The following SENP5 variants were observed in gnomAD, a reference collection of about 807,000 sequenced individuals.
SENP5 encodes the protein sentrin-specific protease 5.
Under a neutral mutation model 74.2 loss-of-function variants are expected in SENP5, and 21 were observed. The observed-to-expected ratio is 0.28, with a 90% confidence interval of 0.20 to 0.41. The LOEUF is 0.41. Ranked by LOEUF, SENP5 falls within the 10% of genes least tolerant of loss-of-function variation. SENP5 has a pLI of 1.00. For synonymous variants in SENP5, 311 were observed against 312.7 expected (o/e 0.99, Z 0.06); for missense variants, 717 against 889.1 (o/e 0.81, Z 2.46).
intron 6 of SENP5, among the ~76,000 whole-genome samples, chr3:196,916,844 T>C (rs779506235): frequency 1.6e-4 from 24 of 146,590 alleles, no homozygotes; most frequent in Non-Finnish European, 2.6e-4. Context: ...TTTAAAAAAA[T>C]AAGCAGAGGC....
intron 6 of SENP5, among the ~76,000 whole-genome samples, chr3:196,908,488 T>A (rs1714995891): frequency 6.6e-6 from 1 of 152,124 alleles, no homozygotes; most frequent in African/African-American, 2.4e-5. Context: ...ATCGAAAAGC[T>A]GGAAAGATCT....
chr3:196,882,653 A>G (rs796709173), intron 1 of SENP5, among the ~76,000 whole-genome samples: 52 of 152,098 alleles, frequency 3.4e-4, no homozygotes, highest in African/African-American at 1.1e-3. Flanking sequence ...ACAGGCATGC[A>G]CCACCATGCC....
chr3:196,909,863 C>T (rs1349458821), intron 6 of SENP5, among the ~76,000 whole-genome samples: 1 of 152,156 alleles, frequency 6.6e-6, no homozygotes, highest in African/African-American at 2.4e-5. Context: ...TGCCCTCTCC[C>T]ATCACTTCTA....
intron 2 of SENP5, among the ~76,000 whole-genome samples, chr3:196,894,419 G>A (rs531004813): frequency 4.0e-5 from 6 of 151,662 alleles, no homozygotes; most frequent in Non-Finnish European, 5.9e-5. Context: ...TACTGCCCCC[G>A]GCCTAATGTG....
chr3:196,900,450 C>G (rs1714648723), intron 5 of SENP5, 38 bp downstream of exon 5: 1 of 1,536,410 alleles, frequency 6.5e-7, no homozygotes, highest in Non-Finnish European at 8.8e-7. Context: ...AGAGAGTGTT[C>G]TTGTGTATTA....
In SENP5 at chr3:196,931,150, C is replaced by T. The variant is rs1392737694; in HGVS notation, c.*227C>T. ...TTTAATTTTATGGTTCTGTGCGTCC[C>T]CCATATTTAATATTTATTATTCAAA... On this transcript the variant is annotated 3_prime_UTR_variant, in exon 10 of 10. Transcript: ENST00000323460. 4.1e-6 allele frequency: 2 copies of T among 485,088 alleles called. No homozygotes were observed. Among genetic ancestry groups the T allele is most frequent in the Non-Finnish European group, 7.4e-6 (2 of 270,070 alleles). The allele number at this position is 485,088 out of a possible 1,614,324, so 30.0% of individuals were successfully genotyped here.
At chr3:196,878,481 A>G (rs966756425) in intron 1 of SENP5, among the ~76,000 whole-genome samples, 3 of 152,178 alleles carry the variant, frequency 2.0e-5, no homozygotes, top group African/African-American at 7.2e-5. Context: ...TTTTTTCCTG[A>G]CATAGTTCTC....
chr3:196,911,873 A>G (rs897411587), intron 6 of SENP5, among the ~76,000 whole-genome samples: 3 of 152,214 alleles, frequency 2.0e-5, no homozygotes, highest in Non-Finnish European at 2.9e-5. Flanking sequence ...CAAAACCACA[A>G]TGAGATACCA....
intron 1 of SENP5, among the ~76,000 whole-genome samples, chr3:196,878,352 C>A (rs1713571105): frequency 6.6e-6 from 1 of 152,132 alleles, no homozygotes; most frequent in African/African-American, 2.4e-5. Context: ...TAACTAGAGA[C>A]TTACTATCTG....
At chr3:196,873,453 T>A (rs754345480) in intron 1 of SENP5, among the ~76,000 whole-genome samples, 1 of 152,164 alleles carries the variant, frequency 6.6e-6, no homozygotes, top group Admixed American at 6.6e-5. Flanking sequence ...TGTTCGGTGT[T>A]CCATTTTGTG....
At chr3:196,873,910 C>T (rs892007839) in intron 1 of SENP5, among the ~76,000 whole-genome samples, 3 of 151,784 alleles carry the variant, frequency 2.0e-5, no homozygotes, top group Admixed American at 2.0e-4. Context: ...GCTGTGTTGC[C>T]CAGGTTGGTC....
chr3:196,914,586 A>AAAAAAAAAAAAAAATATATATATATATAT, intron 6 of SENP5: 1 of 33,510 alleles, frequency 3.0e-5, no homozygotes, highest in Non-Finnish European at 5.1e-5. Flanking sequence ...AAAAAAAAAA[A>AAAAAAAAAAAAAAATATATATATATATAT]ATATATATAT....
intron 6 of SENP5, among the ~76,000 whole-genome samples, chr3:196,911,556 CAAAA>C (rs148985317): frequency 9.3e-5 from 9 of 96,998 alleles, no homozygotes; most frequent in African/African-American, 2.1e-4. Context: ...GACTTTGTCT[CAAAA>C]AAAAAAAAAA....
chr3:196,927,737 T>C, intron 7 of SENP5, 59 bp from the exon 8 acceptor site: 1 of 1,008,952 alleles, frequency 9.9e-7, no homozygotes, highest in Non-Finnish European at 1.6e-6. Context: ...TATGGGCATG[T>C]TCCATTTTTC....
At chr3:196,927,721 G>A (rs1715871548) in intron 7 of SENP5, 75 bp from the exon 8 acceptor site, 4 of 780,850 alleles carry the variant, frequency 5.1e-6, no homozygotes, top group South Asian at 5.0e-5. Context: ...CTTTCCTTCT[G>A]TCTGCTATGG....
At chr3:196,893,335 A>T (rs1165468048) in intron 2 of SENP5, among the ~76,000 whole-genome samples, 2 of 152,204 alleles carry the variant, frequency 1.3e-5, no homozygotes, top group Non-Finnish European at 2.9e-5. Flanking sequence ...TTGACTCTAC[A>T]GACATTTAAA....
chr3:196,925,218 A>G (rs1286173104), intron 7 of SENP5, among the ~76,000 whole-genome samples: 3 of 152,014 alleles, frequency 2.0e-5, no homozygotes, highest in Admixed American at 6.6e-5. Context: ...TTTAATTAAC[A>G]TTTAATTTAA....
intron 6 of SENP5, among the ~76,000 whole-genome samples, chr3:196,905,827 G>C (rs558891348): frequency 3.9e-5 from 6 of 152,240 alleles, no homozygotes; most frequent in Non-Finnish European, 7.4e-5. Context: ...TGGTGGTTGG[G>C]GGGTTGGGTG....
At chr3:196,902,933 A>G (rs1362563749) in intron 5 of SENP5, among the ~76,000 whole-genome samples, 3 of 152,002 alleles carry the variant, frequency 2.0e-5, no homozygotes, top group Non-Finnish European at 4.4e-5. Context: ...TTGTTACCTC[A>G]TTTTTTCATA....
Sources: gnomAD v4.1 joint callset for allele counts (sites outside exome capture counted in the v4.1 genomes callset) on GRCh38, gnomAD v4.1.1 for gene constraint, MANE v1.5 for transcripts, NCBI Gene and HGNC (gene_info 2026-07-23, HGNC 2026-07-21) for gene names.